R3HDM2: variants seen among roughly 807,000 people sequenced by gnomAD.
R3HDM2 encodes the protein R3H domain containing 2, also known as R3H domain-containing protein 2.
In R3HDM2, 38 loss-of-function variants were observed where a neutral mutation model predicts 124.5. The observed-to-expected ratio is 0.31, with a 90% CI of 0.24 to 0.40. The LOEUF is 0.40. Among genes scored for constraint, R3HDM2 ranks in the 10% least tolerant of loss-of-function variants. The pLI is 1.00. For synonymous variants in R3HDM2, 391 were observed against 448.0 expected, an observed-to-expected ratio of 0.87 and a Z score of 1.61; for missense variants, 869 against 1,236.9, an observed-to-expected ratio of 0.70 and a Z score of 4.46.
intron 2 of R3HDM2, among the ~76,000 whole-genome samples, chr12:57,332,815 G>T (rs1466887037): frequency 6.6e-6 from 1 of 152,162 alleles, no homozygotes; most frequent in Non-Finnish European, 1.5e-5. Context: ...TCTAAAATTG[G>T]TTTTTCCTGA....
intron 2 of R3HDM2, among the ~76,000 whole-genome samples, chr12:57,312,749 C>T (rs1291240737): frequency 6.6e-6 from 1 of 151,838 alleles, no homozygotes; most frequent in Non-Finnish European, 1.5e-5. Flanking sequence ...TAAGCCATTG[C>T]ATCCAGCCTT....
chr12:57,304,236 C>T (rs2052010849), intron 3 of R3HDM2, among the ~76,000 whole-genome samples: 1 of 151,960 alleles, frequency 6.6e-6, no homozygotes. Flanking sequence ...AGGATAGAAA[C>T]CGAGGAAGAT....
intron 2 of R3HDM2, among the ~76,000 whole-genome samples, chr12:57,374,064 G>C (rs756778242): frequency 2.6e-5 from 4 of 151,828 alleles, no homozygotes; most frequent in Non-Finnish European, 4.4e-5. Context: ...GGAGACAGAG[G>C]TTGCAGTGAG....
At chr12:57,276,839 A>T (rs1316684745) in intron 14 of R3HDM2, among the ~76,000 whole-genome samples, 1 of 152,038 alleles carries the variant, frequency 6.6e-6, no homozygotes, top group Non-Finnish European at 1.5e-5. Context: ...GTGAGCCGAG[A>T]GTGCATCACT....
At chr12:57,405,931 T>G (rs986597028) in intron 1 of R3HDM2, among the ~76,000 whole-genome samples, 8 of 152,116 alleles carry the variant, frequency 5.3e-5, no homozygotes, top group African/African-American at 1.9e-4. Context: ...GCAAGGAAGC[T>G]ATCAAAGACT....
At chr12:57,366,098 T>C (rs1387602524) in intron 2 of R3HDM2, among the ~76,000 whole-genome samples, 1 of 152,162 alleles carries the variant, frequency 6.6e-6, no homozygotes, top group African/African-American at 2.4e-5. Context: ...ACACATATTT[T>C]TAGACTGCTT....
chr12:57,328,478 C>T (rs2057647001), intron 2 of R3HDM2, among the ~76,000 whole-genome samples: 1 of 152,130 alleles, frequency 6.6e-6, no homozygotes, highest in Admixed American at 6.5e-5. Flanking sequence ...AAATATATGA[C>T]TTGCTGAAGG....
At chr12:57,258,822 G>A in intron 20 of R3HDM2, 68 bp downstream of exon 20, 1 of 1,377,396 alleles carries the variant, frequency 7.3e-7, no homozygotes, top group Non-Finnish European at 9.6e-7. Flanking sequence ...TCAGTCAATA[G>A]CAAACATTGC....
chr12:57,264,648 T>A (rs982170495), intron 19 of R3HDM2, among the ~76,000 whole-genome samples: 24 of 142,494 alleles, frequency 1.7e-4, no homozygotes, highest in Middle Eastern at 3.3e-3. Context: ...TGAGACAGGG[T>A]CTTGCTCTCC....
chr12:57,301,452 A>G (rs943457603), intron 4 of R3HDM2, among the ~76,000 whole-genome samples: 33 of 152,370 alleles, frequency 2.2e-4, no homozygotes, highest in African/African-American at 7.7e-4. Context: ...AAGAATTAAC[A>G]TCATGCCTAA....
intron 1 of R3HDM2, among the ~76,000 whole-genome samples, chr12:57,417,957 T>C (rs2069811589): frequency 6.6e-6 from 1 of 152,200 alleles, no homozygotes; most frequent in Non-Finnish European, 1.5e-5. Flanking sequence ...TATCACTTTC[T>C]TAAGTTTGCC....
At chr12:57,392,997 G>A (rs1450858503) in intron 2 of R3HDM2, among the ~76,000 whole-genome samples, 1 of 151,922 alleles carries the variant, frequency 6.6e-6, no homozygotes, top group Non-Finnish European at 1.5e-5. Context: ...GTAGAGACAG[G>A]GTTTCACCAT....
intron 2 of R3HDM2, among the ~76,000 whole-genome samples, chr12:57,322,513 A>G (rs1266134564): frequency 6.6e-6 from 1 of 152,120 alleles, no homozygotes; most frequent in East Asian, 1.9e-4. Context: ...ATGTACTTCA[A>G]CTCATATCCA....
chr12:57,294,471 A>G (rs968442453), intron 10 of R3HDM2, among the ~76,000 whole-genome samples: 37 of 152,270 alleles, frequency 2.4e-4, no homozygotes, highest in African/African-American at 8.7e-4. Context: ...AGATAATGGC[A>G]CTTTTCTCAA....
chr12:57,334,338 CG>C (rs1448480594), intron 2 of R3HDM2, among the ~76,000 whole-genome samples: 9 of 152,136 alleles, frequency 5.9e-5, no homozygotes, highest in Non-Finnish European at 7.3e-5. Flanking sequence ...CACCTATTAT[CG>C]AATAATAAAT....
At chr12:57,361,236 A>T (rs2061922171) in intron 2 of R3HDM2, among the ~76,000 whole-genome samples, 2 of 146,264 alleles carry the variant, frequency 1.4e-5, no homozygotes. Context: ...TGAGCCGAGC[A>T]TGGTGGCACA....
chr12:57,296,320 C>T lies in R3HDM2; in HGVS notation c.701+91G>A. ...GGTGTGAGCCACCACGCCTGGCCATCTGCAAGAGACATCCTGATCCTACAC... is the reference window on the plus strand; with the variant it reads ...GGTGTGAGCCACCACGCCTGGCCATTTGCAAGAGACATCCTGATCCTACAC... On this transcript the variant is annotated intron_variant, in intron 9 of 23. Coordinates refer to ENST00000402412, the MANE Select transcript of R3HDM2 (RefSeq NM_001394031.1). The surrounding 1 kb of genome is among the most constrained non-coding windows in gnomAD (Gnocchi z 4.5). 1 of 1,444,730 alleles carries T rather than the reference C, an allele frequency of 6.9e-7. No individual in the cohort carries two copies. The highest frequency in any genetic ancestry group is 9.4e-7 in the Non-Finnish European group (1 of 1,059,836). 89.5% of individuals were successfully genotyped at this position (1,444,730 alleles called of 1,614,324 possible).
chr12:57,429,688 G>C (rs1390820397), intron 1 of R3HDM2, among the ~76,000 whole-genome samples: 6 of 150,226 alleles, frequency 4.0e-5, no homozygotes, highest in African/African-American at 1.5e-4. Flanking sequence ...ACTCCATTCT[G>C]GGTGACAGAC....
At chr12:57,269,116 T>A (rs375815051) in intron 16 of R3HDM2, 34 bp from the exon 17 acceptor site, 26 of 1,611,078 alleles carry the variant, frequency 1.6e-5, no homozygotes, top group Non-Finnish European at 2.0e-5. Flanking sequence ...TACATTAGTA[T>A]GAATGTTTAG....
Sources: gnomAD v4.1 joint callset for allele counts (sites outside exome capture counted in the v4.1 genomes callset) on GRCh38, gnomAD v4.1.1 for gene constraint, Gnocchi (gnomAD v3.1) non-coding constraint, MANE v1.5 for transcripts, NCBI Gene and HGNC (gene_info 2026-07-23, HGNC 2026-07-21) for gene names.